The following SNX29 variants were observed in gnomAD, a reference collection of about 807,000 sequenced individuals.
SNX29 encodes the protein sorting nexin-29.
A neutral mutation model predicts 102.1 loss-of-function variants in SNX29; 78 were observed. That is an observed-to-expected ratio of 0.76 (90% CI 0.64 to 0.92). The LOEUF (loss-of-function observed/expected upper bound fraction) is 0.92. SNX29 is among the 40% of genes least tolerant of loss of function. The pLI is 0.00. For missense variants in SNX29, 1,280 were observed against 1,061.7 expected, an observed-to-expected ratio of 1.21 and a Z score of -2.86; for synonymous variants, 580 against 414.5, an observed-to-expected ratio of 1.40 and a Z score of -4.85.
chr16:12,277,849 A>G (rs1232167542), intron 14 of SNX29, 84 bp from the exon 15 acceptor site: 30 of 1,215,748 alleles, frequency 2.5e-5, no homozygotes, highest in Non-Finnish European at 1.5e-5. Flanking sequence ...GTCATCTGAG[A>G]AAGAAGAATT....
At chr16:12,180,712 C>T (rs1567284521) in intron 13 of SNX29, among the ~76,000 whole-genome samples, 1 of 152,164 alleles carries the variant, frequency 6.6e-6, no homozygotes, top group Non-Finnish European at 1.5e-5. Context: ...GTCTCGATCT[C>T]TTGACCTCAT....
chr16:12,526,546 C>A (rs751958352), intron 20 of SNX29: 6 of 524,124 alleles, frequency 1.1e-5, no homozygotes, highest in Non-Finnish European at 2.2e-5. Flanking sequence ...ATTTGTAATG[C>A]CAGGGACTGG....
At chr16:12,228,654 A>G (rs898254746) in intron 14 of SNX29, among the ~76,000 whole-genome samples, 9 of 151,966 alleles carry the variant, frequency 5.9e-5, no homozygotes, top group African/African-American at 2.2e-4. Context: ...CACCTTTTCA[A>G]CCCTGTCTGG....
chr16:12,472,545 A>AAAAAAAAAAAAAC (rs1567599330), intron 18 of SNX29, among the ~76,000 whole-genome samples: 1 of 126,180 alleles, frequency 7.9e-6, no homozygotes, highest in African/African-American at 2.9e-5. Flanking sequence ...AAAAAAAAAC[A>AAAAAAAAAAAAAC]AAAAAAAAAA....
At chr16:12,123,918 A>C (rs1009639615) in intron 11 of SNX29, among the ~76,000 whole-genome samples, 2 of 152,294 alleles carry the variant, frequency 1.3e-5, no homozygotes, top group Admixed American at 1.3e-4. Flanking sequence ...GGAAAGCTTT[A>C]CTGGTCCCTG....
At chr16:12,503,199 C>T (rs903562027) in intron 19 of SNX29, among the ~76,000 whole-genome samples, 2 of 152,172 alleles carry the variant, frequency 1.3e-5, no homozygotes, top group Non-Finnish European at 2.9e-5. Context: ...AGCTGCCTCA[C>T]TCCTTCCAGT....
rs530119438 is a variant in SNX29, at chr16:12,535,025, G to A, written c.2318+10184G>A. Among the ~76,000 whole-genome samples the A allele has an allele frequency of 2.6e-5, 4 of 152,248 alleles. No individual in the cohort carries two copies. In the East Asian group the frequency reaches 5.8e-4, roughly 22 times the overall value. The stretch of plus-strand genomic sequence containing the variant: ...CAGACCTGGCCTGAGAAGCTGGCTC[G>A]TTGGGTCTTATAAAACCAGCTACAA... On this transcript the variant is annotated intron_variant, in intron 20 of 20. Transcript: ENST00000566228.
intron 20 of SNX29, among the ~76,000 whole-genome samples, chr16:12,535,785 A>G (rs1020213732): frequency 2.6e-5 from 4 of 152,002 alleles, no homozygotes; most frequent in Admixed American, 6.5e-5. Context: ...TCCTCAGAGT[A>G]TAGAGGCCGC....
chr16:12,574,004 C>G lies in SNX29; in HGVS notation c.*5375C>G, dbSNP rs1436867823. ...CCATGATCGGCTCCCAGTGCACCCC[C>G]TTAAGGGTAAGCAGGCCACATATCT... On this transcript the variant is annotated 3_prime_UTR_variant, in exon 21 of 21. Coordinates refer to ENST00000566228, the MANE Select transcript of SNX29 (RefSeq NM_032167.5). 1 of 197,860 alleles carries G rather than the reference C, an allele frequency of 5.1e-6. No homozygotes were observed. The highest frequency in any genetic ancestry group is 1.0e-5 in the Non-Finnish European group (1 of 95,634). The allele number at this position is 197,860 out of a possible 1,614,324, so 12.3% of individuals were successfully genotyped here.
At chr16:12,470,052 T>C (rs2087259810) in intron 18 of SNX29, among the ~76,000 whole-genome samples, 1 of 152,156 alleles carries the variant, frequency 6.6e-6, no homozygotes, top group Non-Finnish European at 1.5e-5. Context: ...TCGCAGGGCT[T>C]TTGTGAACAT....
chr16:12,239,639 C>CA (rs61024203), intron 14 of SNX29, among the ~76,000 whole-genome samples: 863 of 62,570 alleles, frequency 0.014, 26 homozygotes, highest in East Asian at 0.019. Context: ...CCTGTTTCTA[C>CA]AAAAAAAAAA....
intron 3 of SNX29, among the ~76,000 whole-genome samples, chr16:12,015,309 G>T (rs1324592234): frequency 6.6e-6 from 1 of 151,794 alleles, no homozygotes; most frequent in African/African-American, 2.4e-5. Context: ...GTGCTGTAGT[G>T]CGATCTCAGC....
At chr16:12,164,947 C>G (rs1252619167) in intron 13 of SNX29, among the ~76,000 whole-genome samples, 1 of 152,154 alleles carries the variant, frequency 6.6e-6, no homozygotes, top group East Asian at 1.9e-4. Flanking sequence ...CTTGATCTCC[C>G]AAAGTGCTGG....
At position 12,255,994 on chromosome 16, in the gene SNX29, C is replaced by G. The variant is rs550745402; in HGVS notation, c.1679-21939C>G. ...GGCTGTACTAATTTACGTTCCTACC[C>G]ACAGTGTACAAGGGTTCCCTTTTCC... On this transcript the variant is annotated intron_variant, in intron 14 of 20. Transcript: ENST00000566228. Among the ~76,000 whole-genome samples, 5 of 152,292 alleles carry G rather than the reference C, an allele frequency of 3.3e-5. No homozygotes were observed. The South Asian group carries it at 1.0e-3, about 32-fold the overall frequency.
In SNX29 at chr16:12,348,808, C is replaced by G. The variant is rs148668233; in HGVS notation, c.1783-7355C>G. Among the ~76,000 whole-genome samples, 340 of 152,314 alleles carry G rather than the reference C, an allele frequency of 2.2e-3. 2 individuals carry two copies. The highest frequency in any genetic ancestry group is 3.3e-3 in the Non-Finnish European group (222 of 68,030). On this transcript the variant is annotated intron_variant, in intron 15 of 20. Transcript: ENST00000566228. ...CACACCCTTTCTGTGCCTCAGTTTT[C>G]TTAGCTACAAAATTAGGGACGGTAA...
At chr16:12,203,694 C>G (rs1336388755) in intron 14 of SNX29, among the ~76,000 whole-genome samples, 1 of 152,126 alleles carries the variant, frequency 6.6e-6, no homozygotes, top group Non-Finnish European at 1.5e-5. Context: ...TTGTGGAGGT[C>G]TTTGCTGTAA....
chr16:12,073,458 C>G (rs2051396314), intron 10 of SNX29, among the ~76,000 whole-genome samples: 1 of 152,128 alleles, frequency 6.6e-6, no homozygotes, highest in South Asian at 2.1e-4. Flanking sequence ...GCGGGTTGTT[C>G]AGTTTCCATG....
At chr16:12,561,338 G>A (rs2078712692) in intron 20 of SNX29, among the ~76,000 whole-genome samples, 1 of 152,112 alleles carries the variant, frequency 6.6e-6, no homozygotes, top group East Asian at 1.9e-4. Flanking sequence ...TTTCAAAGTG[G>A]TGAGACTCAC....
chr16:12,568,303 T>TAAAAAAAA (rs10633753), intron 20 of SNX29, among the ~76,000 whole-genome samples: 1,556 of 80,614 alleles, frequency 0.019, 35 homozygotes, highest in East Asian at 0.053. Flanking sequence ...CGGAGTGCTG[T>TAAAAAAAA]TAAAAAAAAA....
Sources: gnomAD v4.1 joint callset for allele counts (sites outside exome capture counted in the v4.1 genomes callset) on GRCh38, gnomAD v4.1.1 for gene constraint, MANE v1.5 for transcripts, NCBI Gene and HGNC (gene_info 2026-07-23, HGNC 2026-07-21) for gene names.